The following ALMS1 variants were observed in gnomAD, a reference collection of about 807,000 sequenced individuals.
The protein encoded by ALMS1 is ALMS1 centrosome and basal body associated protein, also known as centrosome-associated protein ALMS1.
A neutral mutation model predicts 352.2 loss-of-function variants in ALMS1; 271 were observed. The observed-to-expected ratio is 0.77, with a 90% CI of 0.70 to 0.85. The LOEUF (loss-of-function observed/expected upper bound fraction) is 0.85, where lower values mean the gene tolerates loss of function less well. Ranked by LOEUF, ALMS1 falls within the 40% of genes least tolerant of loss-of-function variation. ALMS1 has a pLI of 0.00. For synonymous variants in ALMS1, 1,865 were observed against 1,761.2 expected, an observed-to-expected ratio of 1.06 and a Z score of -1.48; for missense variants, 5,445 against 4,870.7, an observed-to-expected ratio of 1.12 and a Z score of -3.51.
chr2:73,583,227 T>G (rs1675227944), intron 16 of ALMS1, among the ~76,000 whole-genome samples: 2 of 151,768 alleles, frequency 1.3e-5, no homozygotes, highest in South Asian at 4.2e-4. Context: ...GGGGTCTCAC[T>G]GTTTTGTCCA....
Position 73,572,715 on chromosome 2 carries a change from GA to G in ALMS1, c.10839del (p.Arg3613SerfsTer48). ...TATCGGGAGCGACAGAGGCAACAGA[GA>G]CAGCCTGAGTTGGGTGACAGGAAAG... ...NKYRERQRQQ[R>X]QPELGDRKEL... On this transcript the variant is annotated frameshift_variant, in exon 16 of 23. Transcript: ENST00000613296. LOFTEE classifies it high-confidence loss of function. 1.2e-6 allele frequency: 2 copies of G among 1,614,074 alleles called. No individual in the cohort carries two copies. The highest frequency in any genetic ancestry group is 1.7e-6 in the Non-Finnish European group (2 of 1,180,010).
intron 1 of ALMS1, among the ~76,000 whole-genome samples, chr2:73,388,659 T>G (rs1670586403): frequency 1.3e-5 from 2 of 152,278 alleles, no homozygotes; most frequent in Admixed American, 1.3e-4. Context: ...TCATTCTGTT[T>G]ATAGCTGCAT....
intron 13 of ALMS1, among the ~76,000 whole-genome samples, chr2:73,551,530 G>T (rs918943268): frequency 2.8e-5 from 4 of 143,116 alleles, no homozygotes; most frequent in African/African-American, 1.0e-4. Context: ...TTCACCTCCC[G>T]GGTTCAAGCG....
At chr2:73,578,054 G>T (rs1156938911) in intron 16 of ALMS1, among the ~76,000 whole-genome samples, 1 of 151,984 alleles carries the variant, frequency 6.6e-6, no homozygotes, top group African/African-American at 2.4e-5. Context: ...TATATTTTAG[G>T]GCTCTGTTGT....
rs1215559800 is a variant in ALMS1 at position 73,449,903 on chromosome 2, G to A, written c.3376G>A (p.Ala1126Thr). ...TAAAGAGGCTCTGAAAATTTCAGTAGCTCCTGGACTAGCAGACCAGAAGAC... is the reference window on the plus strand; with the variant it reads ...TAAAGAGGCTCTGAAAATTTCAGTAACTCCTGGACTAGCAGACCAGAAGAC... ...LPKEALKISV[A>T]PGLADQKTGT... Residue 1126 changes from alanine (A) to threonine (T), a missense_variant, in exon 8 of 23, where the codon GCT (alanine) becomes ACT (threonine). Ala to Thr is a moderately conservative substitution (Grantham distance 58). Transcript: ENST00000613296. 1 of 1,613,860 alleles carries A rather than the reference G, an allele frequency of 6.2e-7. No homozygotes were observed. The highest frequency in any genetic ancestry group is 1.7e-5 in the Admixed American group (1 of 59,998).
rs944204261 is a variant in ALMS1, at chr2:73,452,922, C to G, written c.6395C>G (p.Thr2132Arg). ...ATTCCTGGACCAGCTGGCCAGAAAA[C>G]AGTATTACCAACAGCTCTTCCTAGT... ...STIPGPAGQK[T>R]VLPTALPSSF... The change falls in exon 8 of 23, where the codon ACA becomes AGA. Residue 2132 changes from threonine (T) to arginine (R), a missense_variant. Coordinates refer to ENST00000613296, the MANE Select transcript of ALMS1 (RefSeq NM_001378454.1). The G allele has an allele frequency of 6.2e-7, 1 of 1,613,654 alleles. No homozygotes were observed. Among genetic ancestry groups the G allele is most frequent in the Non-Finnish European group, 8.5e-7 (1 of 1,179,966 alleles).
chr2:73,579,060 A>ATTTTTTTTTTTT (rs1675113474), intron 16 of ALMS1, among the ~76,000 whole-genome samples: 1 of 79,530 alleles, frequency 1.3e-5, no homozygotes, highest in Non-Finnish European at 2.3e-5. Context: ...TTTCTCCTTT[A>ATTTTTTTTTTTT]TTCTTTTTTT....
At chr2:73,534,773 T>A (rs750742801) in intron 11 of ALMS1, 51 bp from the exon 12 acceptor site, 1 of 1,592,398 alleles carries the variant, frequency 6.3e-7, no homozygotes, top group Non-Finnish European at 8.6e-7. Flanking sequence ...ATTTGTTCAA[T>A]GAATTAACAA....
rs185304285 is a variant in ALMS1, at chr2:73,609,702, G to A, written c.*90G>A. On this transcript the variant is annotated 3_prime_UTR_variant, in exon 23 of 23. Coordinates refer to ENST00000613296, the MANE Select transcript of ALMS1 (RefSeq NM_001378454.1). ...ACTTTTGTGAGTCTGGTTGAATAAA[G>A]CTTATTCTTTGTCCATGTGTATTTT... 2.6e-4 allele frequency: 337 copies of A among 1,283,736 alleles called. 2 individuals are homozygous for A. In the African/African-American group the frequency reaches 4.6e-3, roughly 18 times the overall value. The allele number at this position is 1,283,736 out of a possible 1,614,324, so 79.5% of individuals were successfully genotyped here.
At chr2:73,535,225 T>C (rs753765341) in intron 12 of ALMS1, among the ~76,000 whole-genome samples, 12 of 152,348 alleles carry the variant, frequency 7.9e-5, no homozygotes, top group Admixed American at 2.0e-4. Context: ...TGGTTCACAG[T>C]ACCCTTAGTT....
intron 11 of ALMS1, among the ~76,000 whole-genome samples, chr2:73,523,874 A>G (rs1673736362): frequency 6.6e-6 from 1 of 152,150 alleles, no homozygotes; most frequent in South Asian, 2.1e-4. Context: ...TTAACTAGAG[A>G]TGAGCAACTA....
rs768032353 is a variant in ALMS1 at position 73,453,754 on chromosome 2, T to A, written c.7227T>A (p.Thr2409=). Residue 2409 remains threonine (T), a synonymous_variant, in exon 8 of 23, where the codon ACT becomes ACA. Transcript: ENST00000613296. The stretch of plus-strand genomic sequence containing the variant: ...ATAAAATTATTATCCCTATGATGAC[T>A]GTCATAAAAAGTGATTCAAGTAGTG... The part of the protein sequence containing the change: ...IGNKIIIPMM[T]VIKSDSSSDA... 1 of 1,614,166 alleles carries A rather than the reference T, an allele frequency of 6.2e-7. No homozygotes were observed. Among genetic ancestry groups the A allele is most frequent in the Non-Finnish European group, 8.5e-7 (1 of 1,180,010 alleles).
chr2:73,601,092 A>C (rs1675674571), intron 18 of ALMS1, 103 bp from the exon 19 acceptor site: 1 of 1,571,570 alleles, frequency 6.4e-7, no homozygotes, highest in Non-Finnish European at 8.7e-7. Context: ...CTGACAGCTG[A>C]GACCCCTGAG....
rs1272336296 is a variant in ALMS1 at position 73,492,708 on chromosome 2, A to G, written c.9539+1210A>G. On this transcript the variant is annotated intron_variant, in intron 10 of 22. Transcript: ENST00000613296. ...GGTCAATCTCTGATTTCAATGTTAAAAATAGTAGAGTGCCATAGAGATCAG... is the reference window on the plus strand; with the variant it reads ...GGTCAATCTCTGATTTCAATGTTAAGAATAGTAGAGTGCCATAGAGATCAG... 2.6e-5 allele frequency among the ~76,000 whole-genome samples: 4 copies of G among 152,196 alleles called. No individual in the cohort carries two copies. The East Asian group carries it at 5.8e-4, about 22-fold the overall frequency.
chr2:73,580,170 T>A lies in ALMS1; in HGVS notation c.11547+6746T>A, dbSNP rs187584239. On this transcript the variant is annotated intron_variant, in intron 16 of 22. Transcript: ENST00000613296. ...CATAGCTCACTGCGGCGTCGAACTC[T>A]GGGCTCAAGAAATCTTTCTGCCTCA... Among the ~76,000 whole-genome samples the A allele has an allele frequency of 2.0e-5, 3 of 152,300 alleles. No homozygotes were observed. In the East Asian group the frequency reaches 5.8e-4, roughly 29 times the overall value.
chr2:73,408,835 T>G, intron 2 of ALMS1, 88 bp downstream of exon 2: 4 of 1,056,452 alleles, frequency 3.8e-6, no homozygotes, highest in African/African-American at 1.6e-5. Flanking sequence ...AAAAATAAAT[T>G]AATATTCATT....
In ALMS1 at chr2:73,550,329, C is replaced by G; in HGVS notation, c.9970C>G (p.Leu3324Val). 3 of 1,614,164 alleles carry G rather than the reference C, an allele frequency of 1.9e-6. No individual in the cohort carries two copies. The highest frequency in any genetic ancestry group is 1.7e-6 in the Non-Finnish European group (2 of 1,180,008). The change falls in exon 13 of 23, where the codon CTC becomes GTC. Residue 3324 changes from leucine to valine, a missense_variant. Transcript: ENST00000613296. ...AQVLGTRDDD[L>V]SATVNIKHKE... ...GGTGCTAGGCACAAGAGATGATGACCTCTCAGCCACTGTTAACATTAAACA... is the reference window on the plus strand; with the variant it reads ...GGTGCTAGGCACAAGAGATGATGACGTCTCAGCCACTGTTAACATTAAACA...
chr2:73,438,572 A>G (rs748228868), intron 7 of ALMS1, among the ~76,000 whole-genome samples: 1 of 152,238 alleles, frequency 6.6e-6, no homozygotes, highest in African/African-American at 2.4e-5. Context: ...AGTTGAACAA[A>G]TGGGAAATAG....
At chr2:73,551,713 G>A (rs1674438739) in intron 13 of ALMS1, among the ~76,000 whole-genome samples, 1 of 152,048 alleles carries the variant, frequency 6.6e-6, no homozygotes, top group Admixed American at 6.6e-5. Flanking sequence ...TGGGATTACA[G>A]GCATGAGCCA....
Sources: allele counts gnomAD v4.1 joint callset (sites outside exome capture counted in the v4.1 genomes callset), GRCh38; gene constraint gnomAD v4.1.1; transcripts MANE v1.5; gene names NCBI Gene and HGNC (gene_info 2026-07-23, HGNC 2026-07-21).